Variants in HTT observed in about 807,000 individuals in gnomAD.
HTT encodes huntington disease protein.
HTT carries 104 observed loss-of-function variants against 362.3 expected under a neutral mutation model. The ratio of observed to expected loss-of-function variants is 0.29; its 90% CI spans 0.24 to 0.34. The LOEUF (loss-of-function observed/expected upper bound fraction) is 0.34, where lower values mean the gene tolerates loss of function less well. Ranked by LOEUF, HTT falls within the 10% of genes least tolerant of loss-of-function variation. HTT has a pLI of 1.00. For synonymous variants in HTT, 1,577 were observed against 1,548.7 expected, an observed-to-expected ratio of 1.02 and a Z score of -0.43; for missense variants, 3,301 against 3,928.6, an observed-to-expected ratio of 0.84 and a Z score of 4.27.
intron 60 of HTT, 92 bp from the exon 61 acceptor site, chr4:3,233,071 G>T: frequency 9.5e-7 from 1 of 1,050,764 alleles, no homozygotes; most frequent in Non-Finnish European, 1.4e-6. Context: ...GCACACAAGC[G>T]TGAGGGCAGC....
rs112095365 is a variant in HTT at position 3,147,937 on chromosome 4, G to C, written c.3296-68G>C. 2.4e-5 allele frequency: 31 copies of C among 1,313,548 alleles called. 1 individual carries two copies. In the African/African-American group the frequency reaches 2.6e-4, roughly 11 times the overall value. 81.4% of individuals were successfully genotyped at this position (1,313,548 alleles called of 1,614,324 possible). On this transcript the variant is annotated intron_variant, in intron 25 of 66. Transcript: ENST00000355072. ...CAACATAGGGTCTTAAATGACTTCAGTTCCCCAAGCAATTTGTCCTTCCCA... is the reference window on the plus strand; with the variant it reads ...CAACATAGGGTCTTAAATGACTTCACTTCCCCAAGCAATTTGTCCTTCCCA...
chr4:3,204,444 A>C (rs1214520989), intron 42 of HTT, among the ~76,000 whole-genome samples: 1 of 152,226 alleles, frequency 6.6e-6, no homozygotes, highest in Non-Finnish European at 1.5e-5. Context: ...ATGTTTGTTA[A>C]TTTGAGGGAA....
intron 1 of HTT, among the ~76,000 whole-genome samples, chr4:3,081,692 G>A (rs1712918193): frequency 6.6e-6 from 1 of 151,170 alleles, no homozygotes; most frequent in African/African-American, 2.4e-5. Flanking sequence ...CTAGTAGCTG[G>A]GATTACAGGC....
chr4:3,212,534 G>T, intron 48 of HTT, 30 bp from the exon 49 acceptor site: 2 of 1,609,860 alleles, frequency 1.2e-6, no homozygotes, highest in Non-Finnish European at 8.5e-7. Flanking sequence ...GCTCACGTTT[G>T]CACCCACCCA....
At chr4:3,127,939 G>A (rs1014116776) in intron 12 of HTT, among the ~76,000 whole-genome samples, 4 of 151,520 alleles carry the variant, frequency 2.6e-5, no homozygotes, top group African/African-American at 9.7e-5. Flanking sequence ...ACTCCAGCCC[G>A]GGCAACAGAG....
At chr4:3,120,535 G>A (rs1347584046) in intron 8 of HTT, among the ~76,000 whole-genome samples, 1 of 152,208 alleles carries the variant, frequency 6.6e-6, no homozygotes, top group Non-Finnish European at 1.5e-5. Context: ...CAGGAAGTGA[G>A]CAGCAGGTGA....
chr4:3,116,159 G>A lies in HTT; in HGVS notation c.964G>A (p.Val322Met), dbSNP rs1432470813. Reference protein sequence around the residue: ...LGVLLTLRYLVPLLQQQVKDT... With the variant: ...LGVLLTLRYLMPLLQQQVKDT... ...CGTGCTGCTCACCCTGAGGTATTTG[G>A]TGCCCTTGCTGCAGCAGCAGGTCAA... is the stretch of plus-strand genomic sequence containing the variant. Residue 322 changes from valine (V) to methionine (M), a missense_variant, in exon 8 of 67, where the codon GTG becomes ATG. Transcript: ENST00000355072. 12 of 1,613,862 alleles carry A rather than the reference G, an allele frequency of 7.4e-6. No individual in the cohort carries two copies. The highest frequency in any genetic ancestry group is 2.7e-5 in the African/African-American group (2 of 74,908).
intron 26 of HTT, among the ~76,000 whole-genome samples, chr4:3,152,028 A>G (rs145360257): frequency 1.3e-5 from 2 of 152,036 alleles, no homozygotes; most frequent in Non-Finnish European, 2.9e-5. Flanking sequence ...CCCAGGCTCA[A>G]GTGATCCTTC....
chr4:3,218,864 AG>A lies in HTT; in HGVS notation c.7242+914del, dbSNP rs1720542659. Among the ~76,000 whole-genome samples the A allele has an allele frequency of 6.6e-6, 1 of 152,178 alleles. No individual in the cohort carries two copies. Among genetic ancestry groups the A allele is most frequent in the Admixed American group, 6.5e-5 (1 of 15,284 alleles). On this transcript the variant is annotated intron_variant, in intron 52 of 66. Transcript: ENST00000355072. This position sits in a 1 kb window ranked among gnomAD's most constrained non-coding sequence, Gnocchi z 4.4. ...TGGCAGGGTGTGAGCCAGCAGGTGT[AG>A]GTCAGGGAGAATGGAGCCAGGTCCC... is the stretch of plus-strand genomic sequence containing the variant.
rs1451989827 is a variant in HTT, at chr4:3,208,759, T to C, written c.6153-14T>C. ...ACAAATTATACTGTAATTTCATTTT[T>C]ATTTGTATTTTAGACACCAAAGGCT... On this transcript the variant is annotated splice_polypyrimidine_tract_variant and intron_variant, in intron 45 of 66. Transcript: ENST00000355072. The C allele has an allele frequency of 1.3e-6, 2 of 1,581,810 alleles. No individual in the cohort carries two copies. Among genetic ancestry groups the C allele is most frequent in the South Asian group, 2.4e-5 (2 of 84,826 alleles).
chr4:3,179,589 G>C (rs893461902), intron 35 of HTT, among the ~76,000 whole-genome samples: 54 of 148,300 alleles, frequency 3.6e-4, no homozygotes, highest in African/African-American at 1.2e-3. Context: ...GGTGCCTCGC[G>C]TGTGTGTGTG....
chr4:3,141,370 T>C (rs1021927873), intron 22 of HTT, among the ~76,000 whole-genome samples: 1 of 152,260 alleles, frequency 6.6e-6, no homozygotes, highest in Non-Finnish European at 1.5e-5. Context: ...AAATGATCAC[T>C]TGATGCTTTT....
In HTT at chr4:3,075,000, C is replaced by T; in HGVS notation, c.175C>T (p.Gln59Ter). Residue 59 changes from glutamine (Q) to a stop codon, truncating the protein, a stop_gained, in exon 1 of 67, where the codon CAG becomes TAG. Coordinates refer to ENST00000355072, the MANE Select transcript of HTT (RefSeq NM_001388492.1). LOFTEE classifies it high-confidence loss of function. ...PQLPQPPPQA[Q>*]PLLPQPQPPP... is the part of the protein sequence containing the mutation. ...GCTTCCTCAGCCGCCGCCGCAGGCA[C>T]AGCCGCTGCTGCCTCAGCCGCAGCC... 6.9e-7 allele frequency: 1 copy of T among 1,453,522 alleles called. No individual in the cohort carries two copies. The highest frequency in any genetic ancestry group is 9.0e-7 in the Non-Finnish European group (1 of 1,105,730). The allele number at this position is 1,453,522 out of a possible 1,614,324, so 90.0% of individuals were successfully genotyped here.
At chr4:3,191,450 G>A (rs933415733) in intron 40 of HTT, among the ~76,000 whole-genome samples, 23 of 152,130 alleles carry the variant, frequency 1.5e-4, no homozygotes, top group Non-Finnish European at 1.5e-5. Flanking sequence ...GGGATTACAG[G>A]TGTGAGCCAC....
At chr4:3,123,861 G>A (rs1046064608) in intron 10 of HTT, among the ~76,000 whole-genome samples, 1 of 152,194 alleles carries the variant, frequency 6.6e-6, no homozygotes, top group Non-Finnish European at 1.5e-5. Context: ...TGCAATGCCA[G>A]TTATTTTCTT....
intron 3 of HTT, among the ~76,000 whole-genome samples, chr4:3,100,396 T>C (rs74830775): frequency 6.6e-6 from 1 of 152,342 alleles, no homozygotes; most frequent in Non-Finnish European, 1.5e-5. Context: ...TGGTATCCTT[T>C]TGCCCAGGGA....
intron 29 of HTT, among the ~76,000 whole-genome samples, chr4:3,162,708 A>C (rs1403581396): frequency 6.6e-6 from 1 of 152,184 alleles, no homozygotes; most frequent in Non-Finnish European, 1.5e-5. Context: ...GAGTTCACTC[A>C]TGATTTGGCT....
At position 3,233,364 on chromosome 4, in the gene HTT, G is replaced by A. The variant is rs894074716; in HGVS notation, c.8456+11G>A. On this transcript the variant is annotated intron_variant, in intron 61 of 66. Transcript: ENST00000355072. ...GAAAGGGATCGCCCAGTGAGTGGGAGCCTGGCTGGGGCTGGGGCGGGGGTC... is the reference window on the plus strand; with the variant it reads ...GAAAGGGATCGCCCAGTGAGTGGGAACCTGGCTGGGGCTGGGGCGGGGGTC... 1 of 1,587,152 alleles carries A rather than the reference G, an allele frequency of 6.3e-7. No homozygotes were observed. Among genetic ancestry groups the A allele is most frequent in the African/African-American group, 1.3e-5 (1 of 74,656 alleles).
At position 3,082,195 on chromosome 4, in the gene HTT, T is replaced by G. The variant is rs567056650; in HGVS notation, c.264-4744T>G. Among the ~76,000 whole-genome samples, 3 of 152,344 alleles carry G rather than the reference T, an allele frequency of 2.0e-5. No homozygotes were observed. The East Asian group carries it at 5.8e-4, about 29-fold the overall frequency. On this transcript the variant is annotated intron_variant, in intron 1 of 66. Coordinates refer to ENST00000355072, the MANE Select transcript of HTT (RefSeq NM_001388492.1). ...AATTCTTATTAATTGCTATGTAATATTTTAGAATTTCTTTTTAAAAGAGGA... is the reference window on the plus strand; with the variant it reads ...AATTCTTATTAATTGCTATGTAATAGTTTAGAATTTCTTTTTAAAAGAGGA...
Sources: gnomAD v4.1 joint callset for allele counts (sites outside exome capture counted in the v4.1 genomes callset) on GRCh38, gnomAD v4.1.1 for gene constraint, Gnocchi (gnomAD v3.1) non-coding constraint, MANE v1.5 for transcripts, NCBI Gene and HGNC (gene_info 2026-07-23, HGNC 2026-07-21) for gene names.